The following DLG2 variants were observed in gnomAD, a reference collection of about 807,000 sequenced individuals.
DLG2 encodes the protein disks large homolog 2.
A neutral mutation model predicts 132.5 loss-of-function variants in DLG2; 45 were observed. That is an observed-to-expected ratio of 0.34 (90% confidence interval 0.27 to 0.44). The LOEUF (loss-of-function observed/expected upper bound fraction) is 0.44, where lower values mean the gene tolerates loss of function less well. Ranked by LOEUF, DLG2 falls within the 20% of genes least tolerant of loss-of-function variation. DLG2 has a pLI of 1.00. For synonymous variants in DLG2, 424 were observed against 419.6 expected (o/e 1.01, Z -0.13); for missense variants, 1,045 against 1,196.9 (o/e 0.87, Z 1.87).
At chr11:84,132,694 A>G (rs1252922345) in intron 9 of DLG2, among the ~76,000 whole-genome samples, 4 of 152,012 alleles carry the variant, frequency 2.6e-5, no homozygotes, top group African/African-American at 9.7e-5. Context: ...AGATATTAAA[A>G]CAAGAAATAA....
chr11:85,229,793 T>C (rs1046283837), intron 4 of DLG2, among the ~76,000 whole-genome samples: 1 of 152,092 alleles, frequency 6.6e-6, no homozygotes, highest in African/African-American at 2.4e-5. Context: ...ATATACACCA[T>C]GGAATACTAT....
intron 6 of DLG2, among the ~76,000 whole-genome samples, chr11:84,939,904 T>C (rs2049182185): frequency 6.6e-6 from 1 of 152,218 alleles, no homozygotes; most frequent in Non-Finnish European, 1.5e-5. Context: ...AGATATCTCA[T>C]TGTTACACTG....
At chr11:83,766,414 A>G (rs1356923714) in intron 18 of DLG2, among the ~76,000 whole-genome samples, 1 of 116,530 alleles carries the variant, frequency 8.6e-6, no homozygotes, top group Non-Finnish European at 1.8e-5. Flanking sequence ...TTTTTTTTTT[A>G]TAATGAGTTA....
At chr11:85,026,976 C>T (rs1395636842) in intron 6 of DLG2, among the ~76,000 whole-genome samples, 3 of 149,726 alleles carry the variant, frequency 2.0e-5, no homozygotes, top group African/African-American at 4.9e-5. Flanking sequence ...AATACAATAC[C>T]GTTTCTAATA....
intron 6 of DLG2, among the ~76,000 whole-genome samples, chr11:84,916,348 C>CAAAAAAAAAAAAAAAAAAAAAAA (rs11423369): frequency 3.6e-5 from 1 of 27,946 alleles, no homozygotes; most frequent in African/African-American, 1.3e-4. Flanking sequence ...GACTCCGTCT[C>CAAAAAAAAAAAAAAAAAAAAAAA]AAAAAAAAAA....
At chr11:85,274,962 A>G (rs1309690451) in intron 4 of DLG2, among the ~76,000 whole-genome samples, 1 of 152,158 alleles carries the variant, frequency 6.6e-6, no homozygotes, top group Middle Eastern at 3.2e-3. Context: ...GGCAGCTCAT[A>G]CTTTGTTGAA....
intron 6 of DLG2, among the ~76,000 whole-genome samples, chr11:84,942,087 C>T (rs1012253985): frequency 2.0e-5 from 3 of 152,082 alleles, no homozygotes; most frequent in African/African-American, 7.2e-5. Context: ...TCGGTGGTAT[C>T]AGTTGTAATG....
chr11:84,022,783 T>TA (rs1278759043), intron 11 of DLG2, among the ~76,000 whole-genome samples: 2 of 152,040 alleles, frequency 1.3e-5, no homozygotes, highest in Non-Finnish European at 2.9e-5. Context: ...AACATGCTTT[T>TA]AAAAAATACA....
chr11:85,476,388 A>G (rs1374872226), intron 3 of DLG2, among the ~76,000 whole-genome samples: 2 of 152,116 alleles, frequency 1.3e-5, no homozygotes, highest in Non-Finnish European at 2.9e-5. Context: ...ACTACTGTAG[A>G]CTTTATAAAC....
intron 7 of DLG2, among the ~76,000 whole-genome samples, chr11:84,471,661 A>T (rs961141953): frequency 4.6e-5 from 7 of 151,752 alleles, no homozygotes; most frequent in African/African-American, 1.7e-4. Flanking sequence ...GCTCTCAATT[A>T]GGTTGTCACA....
At chr11:83,563,835 G>GTA (rs2096656417) in intron 19 of DLG2, among the ~76,000 whole-genome samples, 2 of 152,168 alleles carry the variant, frequency 1.3e-5, no homozygotes, top group African/African-American at 4.8e-5. Context: ...TGTTTGGCAT[G>GTA]GTATAGGGTT....
At chr11:85,431,068 T>C (rs1330221969) in intron 3 of DLG2, among the ~76,000 whole-genome samples, 1 of 152,090 alleles carries the variant, frequency 6.6e-6, no homozygotes, top group Non-Finnish European at 1.5e-5. Flanking sequence ...ACATCAAACA[T>C]GTATAGAATG....
At chr11:83,831,187 G>C (rs187082360) in intron 17 of DLG2, among the ~76,000 whole-genome samples, 3 of 152,158 alleles carry the variant, frequency 2.0e-5, no homozygotes, top group Non-Finnish European at 4.4e-5. Context: ...AGTACAGAAA[G>C]ACAGACATGT....
chr11:83,819,566 A>G (rs957363723), intron 17 of DLG2, among the ~76,000 whole-genome samples: 2 of 151,744 alleles, frequency 1.3e-5, no homozygotes, highest in Non-Finnish European at 2.9e-5. Context: ...CATAAATCTG[A>G]GAGTAGAATA....
chr11:85,338,557 A>G (rs768603588), intron 3 of DLG2, among the ~76,000 whole-genome samples: 6 of 152,090 alleles, frequency 3.9e-5, no homozygotes, highest in Non-Finnish European at 8.8e-5. Context: ...TGTGAAGGGT[A>G]TCTGAAATAT....
chr11:83,743,449 T>TTTTTTTTTTTTTTTTTTTA (rs1555372680), intron 18 of DLG2, among the ~76,000 whole-genome samples: 1,645 of 123,728 alleles, frequency 0.013, 200 homozygotes, highest in African/African-American at 0.035. Flanking sequence ...TTTTTTTTTT[T>TTTTTTTTTTTTTTTTTTTA]ATGACAGGGT....
At position 85,321,585 on chromosome 11, in the gene DLG2, G is replaced by C. The variant is rs368114861; in HGVS notation, c.41-36220C>G. Among the ~76,000 whole-genome samples, 16 of 152,138 alleles carry C rather than the reference G, an allele frequency of 1.1e-4. No individual in the cohort carries two copies. The East Asian group carries it at 1.5e-3, about 15-fold the overall frequency. ...GAGTCCTGGAACATTTCAATATTTA[G>C]AGATTTGGGAAAATAAACAGGAAGA... is the stretch of plus-strand genomic sequence containing the variant. On this transcript the variant is annotated intron_variant, in intron 3 of 27. Transcript: ENST00000376104.
At chr11:84,248,003 T>G (rs1457479067) in intron 8 of DLG2, among the ~76,000 whole-genome samples, 5 of 152,164 alleles carry the variant, frequency 3.3e-5, no homozygotes, top group Non-Finnish European at 7.3e-5. Flanking sequence ...CTGAAATCGT[T>G]TTTTCATTAA....
intron 21 of DLG2, among the ~76,000 whole-genome samples, chr11:83,502,763 C>T (rs902454744): frequency 6.6e-6 from 1 of 152,042 alleles, no homozygotes; most frequent in Admixed American, 6.6e-5. Flanking sequence ...GCTGATTTAC[C>T]CTTACCTGTG....
Sources: allele counts gnomAD v4.1 joint callset (sites outside exome capture counted in the v4.1 genomes callset), GRCh38; gene constraint gnomAD v4.1.1; transcripts MANE v1.5; gene names NCBI Gene and HGNC (gene_info 2026-07-23, HGNC 2026-07-21).